Variants in HECTD2 observed in about 807,000 individuals in gnomAD.
HECTD2 encodes the protein probable E3 ubiquitin-protein ligase HECTD2.
A neutral mutation model predicts 103.2 loss-of-function variants in HECTD2; 35 were observed. The ratio of observed to expected loss-of-function variants is 0.34; its 90% CI spans 0.26 to 0.45. HECTD2 has a LOEUF of 0.45. Ranked by LOEUF, HECTD2 falls within the 20% of genes least tolerant of loss-of-function variation. HECTD2 has a pLI of 1.00. For synonymous variants in HECTD2, 281 were observed against 329.9 expected, an observed-to-expected ratio of 0.85 and a Z score of 1.61; for missense variants, 596 against 937.4, an observed-to-expected ratio of 0.64 and a Z score of 4.76.
intron 1 of HECTD2, among the ~76,000 whole-genome samples, chr10:91,414,727 A>G (rs1843050678): frequency 6.6e-6 from 1 of 152,230 alleles, no homozygotes; most frequent in Non-Finnish European, 1.5e-5. Flanking sequence ...AAAGTGGGCA[A>G]AGTAATCCAG....
At chr10:91,445,904 C>A (rs537017674) in intron 2 of HECTD2, among the ~76,000 whole-genome samples, 9 of 152,114 alleles carry the variant, frequency 5.9e-5, no homozygotes, top group Non-Finnish European at 1.2e-4. Context: ...CAAGGAGATT[C>A]TCTTGGGTGC....
chr10:91,420,602 AAAAG>A (rs998201978), intron 1 of HECTD2, among the ~76,000 whole-genome samples: 1 of 152,062 alleles, frequency 6.6e-6, no homozygotes, highest in African/African-American at 2.4e-5. Flanking sequence ...GAAAAAAAAA[AAAAG>A]AAAAAAAGAA....
rs987131224 is a variant in HECTD2, at chr10:91,452,199, G to T, written c.269-8228G>T. ...TCAGAGTCCCAGAAGGAGAGGAAAA[G>T]ACAGTAGGGCTAAAAAAGTAACCAA... On this transcript the variant is annotated intron_variant, in intron 2 of 20. Coordinates refer to ENST00000298068, the MANE Select transcript of HECTD2 (RefSeq NM_182765.6). Among the ~76,000 whole-genome samples the T allele has an allele frequency of 3.3e-5, 5 of 152,194 alleles. No individual in the cohort carries two copies. The East Asian group carries it at 9.6e-4, about 29-fold the overall frequency.
At chr10:91,417,370 T>C (rs962150083) in intron 1 of HECTD2, among the ~76,000 whole-genome samples, 5 of 151,868 alleles carry the variant, frequency 3.3e-5, no homozygotes, top group African/African-American at 4.9e-5. Context: ...TCATTTACTT[T>C]TTTCTTTTTT....
chr10:91,444,247 TAC>T (rs1385000605), intron 2 of HECTD2, among the ~76,000 whole-genome samples: 6 of 152,310 alleles, frequency 3.9e-5, no homozygotes, highest in African/African-American at 1.2e-4. Context: ...AGAGCATATA[TAC>T]ACAGTTTTAT....
At position 91,410,589 on chromosome 10, in the gene HECTD2, C is replaced by G; in HGVS notation, c.138+13C>G. ...CGGCGCGACCGCGGTAGGTGGTGGG[C>G]CGGGGCCGTCTGGCGCCCCGGACGG... On this transcript the variant is annotated intron_variant, in intron 1 of 20. Transcript: ENST00000298068. 7.9e-7 allele frequency: 1 copy of G among 1,271,012 alleles called. No individual in the cohort carries two copies. Among genetic ancestry groups the G allele is most frequent in the Admixed American group, 4.9e-5 (1 of 20,576 alleles). 78.7% of individuals were successfully genotyped at this position (1,271,012 alleles called of 1,614,324 possible).
intron 2 of HECTD2, among the ~76,000 whole-genome samples, chr10:91,454,064 C>T (rs945617097): frequency 2.6e-5 from 4 of 151,878 alleles, no homozygotes; most frequent in African/African-American, 9.7e-5. Context: ...AACCCAGAAA[C>T]AAAAAAATCC....
intron 1 of HECTD2, among the ~76,000 whole-genome samples, chr10:91,412,216 A>G (rs1276522896): frequency 6.6e-6 from 1 of 152,232 alleles, no homozygotes; most frequent in Non-Finnish European, 1.5e-5. Flanking sequence ...AAAGGGAAAA[A>G]GTCAGTAGCG....
intron 5 of HECTD2, among the ~76,000 whole-genome samples, chr10:91,470,804 C>CA (rs1340766776): frequency 1.3e-5 from 2 of 151,802 alleles, no homozygotes; most frequent in Non-Finnish European, 2.9e-5. Context: ...TTACCAACCC[C>CA]AAAAAAAGCC....
intron 20 of HECTD2, among the ~76,000 whole-genome samples, chr10:91,508,763 C>T (rs1847299335): frequency 6.6e-6 from 1 of 151,422 alleles, no homozygotes; most frequent in Non-Finnish European, 1.5e-5. Flanking sequence ...ACCCAGCCAT[C>T]CCATTACTGG....
chr10:91,429,504 G>A (rs1843738660), intron 2 of HECTD2, among the ~76,000 whole-genome samples: 2 of 152,032 alleles, frequency 1.3e-5, no homozygotes, highest in South Asian at 4.1e-4. Flanking sequence ...AATCCATCTG[G>A]TCCTGGACTC....
intron 1 of HECTD2, among the ~76,000 whole-genome samples, chr10:91,410,855 C>T (rs564368228): frequency 6.6e-6 from 1 of 152,342 alleles, no homozygotes; most frequent in South Asian, 2.1e-4. Flanking sequence ...TGGGCCCCCA[C>T]TTTCTCTAAG....
chr10:91,463,449 C>T (rs1314864651), intron 5 of HECTD2: 1 of 151,960 alleles, frequency 6.6e-6, no homozygotes, highest in African/African-American at 2.4e-5. Flanking sequence ...ACAATTCAAG[C>T]CTGTATTCAA....
Position 91,451,801 on chromosome 10 carries a change from A to T in HECTD2, c.269-8626A>T, listed in dbSNP as rs571187290. 5.1e-4 allele frequency among the ~76,000 whole-genome samples: 78 copies of T among 152,282 alleles called. 1 individual carries two copies. The South Asian group carries it at 0.016, about 32-fold the overall frequency. ...TGAATAGGAGGGTAGGTAAAGAAGG[A>T]AGGAAGACCTTATTAGCTATGTTAC... On this transcript the variant is annotated intron_variant, in intron 2 of 20. Transcript: ENST00000298068.
chr10:91,435,307 C>G (rs1368017356), intron 2 of HECTD2, among the ~76,000 whole-genome samples: 1 of 151,868 alleles, frequency 6.6e-6, no homozygotes, highest in Non-Finnish European at 1.5e-5. Flanking sequence ...GCAGTTGAGA[C>G]TATTAGATGT....
chr10:91,508,288 A>C (rs1187976204), intron 20 of HECTD2, among the ~76,000 whole-genome samples: 18 of 139,964 alleles, frequency 1.3e-4, no homozygotes, highest in Admixed American at 1.1e-3. Context: ...TAATTAAACT[A>C]AAGAGCTTCT....
rs934327794 is a variant in HECTD2 at position 91,483,980 on chromosome 10, G to A, written c.822-527G>A. 2.3e-5 allele frequency: 5 copies of A among 216,472 alleles called. 1 individual carries two copies. The highest frequency in any genetic ancestry group is 1.1e-4 in the Admixed American group (2 of 18,734). The allele number at this position is 216,472 out of a possible 1,614,324, so 13.4% of individuals were successfully genotyped here. A position where few individuals can be genotyped will look rare whatever the true frequency, so the allele number is the denominator to read the frequency against. ...AGACAGCATTTTAGCACTACACTTG[G>A]CCATTTTGAAATTGCAAAATCACCA... On this transcript the variant is annotated intron_variant, in intron 8 of 20. Transcript: ENST00000298068.
chr10:91,501,062 T>A, intron 19 of HECTD2, 129 bp from the exon 20 acceptor site: 1 of 702,046 alleles, frequency 1.4e-6, no homozygotes. Flanking sequence ...CACCATTCCT[T>A]AATTTTACAG....
At chr10:91,414,848 C>A (rs755117168) in intron 1 of HECTD2, among the ~76,000 whole-genome samples, 1 of 152,028 alleles carries the variant, frequency 6.6e-6, no homozygotes. Flanking sequence ...TGCATGGGGG[C>A]TGGAGCCAGA....
Sources: allele counts gnomAD v4.1 joint callset (sites outside exome capture counted in the v4.1 genomes callset), GRCh38; gene constraint gnomAD v4.1.1; transcripts MANE v1.5; gene names NCBI Gene and HGNC (gene_info 2026-07-23, HGNC 2026-07-21).